The following PPP3CB variants were observed in gnomAD, a reference collection of about 807,000 sequenced individuals.
PPP3CB encodes the protein serine/threonine-protein phosphatase 2B catalytic subunit beta isoform.
In PPP3CB, 8 loss-of-function variants were observed where a neutral mutation model predicts 66.4. The ratio of observed to expected loss-of-function variants is 0.12; its 90% CI spans 0.07 to 0.22. PPP3CB has a LOEUF of 0.22. Among genes scored for constraint, PPP3CB ranks in the 10% least tolerant of loss-of-function variants. The pLI is 1.00. For synonymous variants in PPP3CB, 208 were observed against 221.2 expected, an observed-to-expected ratio of 0.94 and a Z score of 0.53; for missense variants, 319 against 642.5, an observed-to-expected ratio of 0.50 and a Z score of 5.44.
chr10:73,482,202 A>ATTT (rs200623450), intron 1 of PPP3CB, among the ~76,000 whole-genome samples: 2 of 145,690 alleles, frequency 1.4e-5, no homozygotes, highest in African/African-American at 5.0e-5. Context: ...AGGTCAGAGA[A>ATTT]TTTTTTTTTT....
rs2056095706 is a variant in PPP3CB at position 73,438,201 on chromosome 10, A to G, written c.*41T>C. On this transcript the variant is annotated 3_prime_UTR_variant, in exon 14 of 14. Coordinates refer to ENST00000360663, the MANE Select transcript of PPP3CB (RefSeq NM_021132.4). Reference sequence around the variant, plus strand: ...CTCCAGCTCCTCGGGTGATCTGTCCATTTGGGGCCCGAGATGTGAGAGTCC... The same window carrying G: ...CTCCAGCTCCTCGGGTGATCTGTCCGTTTGGGGCCCGAGATGTGAGAGTCC... 6.3e-7 allele frequency: 1 copy of G among 1,589,226 alleles called. No individual in the cohort carries two copies. The highest frequency in any genetic ancestry group is 8.6e-7 in the Non-Finnish European group (1 of 1,162,020).
chr10:73,444,655 G>T (rs1393825584), intron 12 of PPP3CB, 70 bp downstream of exon 12: 6 of 1,602,510 alleles, frequency 3.7e-6, no homozygotes, highest in Non-Finnish European at 1.7e-6. Flanking sequence ...TGCATTATGT[G>T]AATTGTTAGC....
rs758431535 is a variant in PPP3CB at position 73,470,881 on chromosome 10, T to G, written c.887+6A>C. On this transcript the variant is annotated splice_donor_region_variant and intron_variant, in intron 7 of 13. Transcript: ENST00000360663. Reference sequence around the variant, plus strand: ...TTAATTTGGGTCAGGGAAACAGAATTCTTACCCTGCATCTTGAGCTTCATG... The same window carrying G: ...TTAATTTGGGTCAGGGAAACAGAATGCTTACCCTGCATCTTGAGCTTCATG... The G allele has an allele frequency of 6.2e-7, 1 of 1,611,388 alleles. No individual in the cohort carries two copies. The highest frequency in any genetic ancestry group is 1.1e-5 in the South Asian group (1 of 90,560).
At chr10:73,446,445 T>A (rs2056256301) in intron 11 of PPP3CB, 47 bp downstream of exon 11, 1 of 1,553,424 alleles carries the variant, frequency 6.4e-7, no homozygotes. Flanking sequence ...CAAGGTACAA[T>A]AAACGTAATT....
intron 10 of PPP3CB, chr10:73,448,822 C>A: frequency 2.1e-6 from 1 of 475,768 alleles, no homozygotes; most frequent in Non-Finnish European, 4.2e-6. Flanking sequence ...AATGAAGGCC[C>A]TCATATTTGG....
chr10:73,471,842 G>A (rs564048678), intron 4 of PPP3CB, among the ~76,000 whole-genome samples: 2 of 152,200 alleles, frequency 1.3e-5, no homozygotes, highest in East Asian at 3.9e-4. Flanking sequence ...TGGTGGCCAG[G>A]GCTTCAGAGT....
At chr10:73,485,908 TTGTGTGTGTGTGTGTGTGTGTGTGTGTG>T (rs57190155) in intron 1 of PPP3CB, among the ~76,000 whole-genome samples, 1,225 of 121,326 alleles carry the variant, frequency 0.01, 11 homozygotes, top group Non-Finnish European at 0.014. Flanking sequence ...ACCTGGCTAA[TTGTGTGTGTGTGTGTGTGTGTGTGTGTG>T]TGTGTGTGTG....
At position 73,438,101 on chromosome 10, in the gene PPP3CB, A is replaced by T; in HGVS notation, c.*141T>A. ...CAGGGCCCTCAAGCCTCCATCCAGG[A>T]AGGGGGCTAGGGTCTCAGAAGCACA... On this transcript the variant is annotated 3_prime_UTR_variant, in exon 14 of 14. Transcript: ENST00000360663. 1.2e-6 allele frequency: 1 copy of T among 814,888 alleles called. No individual in the cohort carries two copies. Among genetic ancestry groups the T allele is most frequent in the Non-Finnish European group, 1.9e-6 (1 of 535,006 alleles). The allele number at this position is 814,888 out of a possible 1,614,324, so 50.5% of individuals were successfully genotyped here.
chr10:73,483,975 C>T (rs143325497), intron 1 of PPP3CB, among the ~76,000 whole-genome samples: 89 of 151,986 alleles, frequency 5.9e-4, no homozygotes, highest in Admixed American at 5.9e-4. Flanking sequence ...GAAACCCCAT[C>T]GCTACTAAAA....
intron 1 of PPP3CB, among the ~76,000 whole-genome samples, chr10:73,482,261 C>T (rs2056891341): frequency 1.3e-5 from 2 of 151,428 alleles, no homozygotes; most frequent in East Asian, 3.9e-4. Context: ...ATGCTACGTA[C>T]TGGCTGGATG....
At chr10:73,483,496 A>C (rs2056917678) in intron 1 of PPP3CB, among the ~76,000 whole-genome samples, 1 of 152,000 alleles carries the variant, frequency 6.6e-6, no homozygotes, top group African/African-American at 2.4e-5. Flanking sequence ...CTCTACTAAA[A>C]ACACAAAAAA....
intron 10 of PPP3CB, among the ~76,000 whole-genome samples, chr10:73,452,399 T>C (rs146843128): frequency 2.6e-5 from 4 of 152,156 alleles, no homozygotes; most frequent in African/African-American, 4.8e-5. Flanking sequence ...AAATATCTAT[T>C]TGAAACTATT....
chr10:73,442,895 T>C (rs1262034795), intron 12 of PPP3CB, among the ~76,000 whole-genome samples: 2 of 152,008 alleles, frequency 1.3e-5, no homozygotes, highest in South Asian at 2.1e-4. Flanking sequence ...ATTTTTTTTA[T>C]TGAAAAGCAA....
chr10:73,449,747 GA>G (rs1261455443), intron 10 of PPP3CB, among the ~76,000 whole-genome samples: 1 of 151,810 alleles, frequency 6.6e-6, no homozygotes, highest in Non-Finnish European at 1.5e-5. Flanking sequence ...AAACAATACA[GA>G]GCACCAAAGA....
In PPP3CB at chr10:73,437,166, T is replaced by A. The variant is rs558976927; in HGVS notation, c.*1076A>T. On this transcript the variant is annotated 3_prime_UTR_variant, in exon 14 of 14. Coordinates refer to ENST00000360663, the MANE Select transcript of PPP3CB (RefSeq NM_021132.4). The stretch of plus-strand genomic sequence containing the variant: ...TATGCTTCCACTAACATCTGAATGA[T>A]TGAACAGAACCATTGCTTCTAGGCT... 1 of 152,708 alleles carries A rather than the reference T, an allele frequency of 6.5e-6. No individual in the cohort carries two copies. The highest frequency in any genetic ancestry group is 2.4e-5 in the African/African-American group (1 of 41,478). 9.5% of individuals were successfully genotyped at this position (152,708 alleles called of 1,614,324 possible).
chr10:73,473,194 G>A (rs1253208723), intron 4 of PPP3CB, among the ~76,000 whole-genome samples: 1 of 152,100 alleles, frequency 6.6e-6, no homozygotes, highest in Non-Finnish European at 1.5e-5. Context: ...AGTTATAAGA[G>A]TATGCCACTT....
rs549122104 is a variant in PPP3CB at position 73,465,563 on chromosome 10, A to G, written c.1108+1990T>C. ...TGTGACAGAGCGAGACTCTGTCTCTATAAAAAAAAATAGTGGGGGTTTTAG... is the reference window on the plus strand; with the variant it reads ...TGTGACAGAGCGAGACTCTGTCTCTGTAAAAAAAAATAGTGGGGGTTTTAG... On this transcript the variant is annotated intron_variant, in intron 9 of 13. Transcript: ENST00000360663. Among the ~76,000 whole-genome samples, 24 of 152,232 alleles carry G rather than the reference A, an allele frequency of 1.6e-4. No individual in the cohort carries two copies. In the South Asian group the frequency reaches 5.0e-3, roughly 32 times the overall value.
chr10:73,461,159 G>T (rs1243208168), intron 9 of PPP3CB, among the ~76,000 whole-genome samples: 1 of 152,246 alleles, frequency 6.6e-6, no homozygotes, highest in Non-Finnish European at 1.5e-5. Flanking sequence ...GGAGCTTTAA[G>T]ATTTAATGAC....
chr10:73,495,702 C>T lies in PPP3CB; in HGVS notation c.85+103G>A, dbSNP rs892464858. ...TCCCCAAGGGAGGCAGCCAGTCACT[C>T]GCCCGCCCTTCCGGGCCCACTCCCG... On this transcript the variant is annotated intron_variant, in intron 1 of 13. Transcript: ENST00000360663. 7 of 1,453,008 alleles carry T rather than the reference C, an allele frequency of 4.8e-6. No individual in the cohort carries two copies. In the Admixed American group the frequency reaches 8.8e-5, roughly 18 times the overall value. The allele number at this position is 1,453,008 out of a possible 1,614,324, so 90.0% of individuals were successfully genotyped here. A position where few individuals can be genotyped will look rare whatever the true frequency, so the allele number is the denominator to read the frequency against.
Sources: allele counts gnomAD v4.1 joint callset (sites outside exome capture counted in the v4.1 genomes callset), GRCh38; gene constraint gnomAD v4.1.1; transcripts MANE v1.5; gene names NCBI Gene and HGNC (gene_info 2026-07-23, HGNC 2026-07-21).